Variants in CNTNAP2 observed in about 807,000 individuals in gnomAD.
The protein encoded by CNTNAP2 is contactin associated protein 2, also known as contactin-associated protein-like 2.
CNTNAP2 carries 98 observed loss-of-function variants against 155.2 expected under a neutral mutation model. That is an observed-to-expected ratio of 0.63 (90% CI 0.54 to 0.75). CNTNAP2 has a LOEUF of 0.75. CNTNAP2 is among the 30% of genes least tolerant of loss of function. The probability of loss-of-function intolerance (pLI) is 0.00; values close to 1 mark genes in which losing one functional copy is unlikely to be tolerated. For missense variants in CNTNAP2, 1,727 were observed against 1,688.1 expected, an observed-to-expected ratio of 1.02 and a Z score of -0.40; for synonymous variants, 651 against 631.2, an observed-to-expected ratio of 1.03 and a Z score of -0.47.
intron 20 of CNTNAP2, among the ~76,000 whole-genome samples, chr7:148,252,669 C>T (rs772950601): frequency 6.6e-6 from 1 of 152,158 alleles, no homozygotes; most frequent in Non-Finnish European, 1.5e-5. Context: ...TTCCTTTACC[C>T]ATCCTTCTAT....
intron 18 of CNTNAP2, among the ~76,000 whole-genome samples, chr7:148,187,138 ACACACACAC>A (rs1562988465): frequency 2.8e-4 from 42 of 151,344 alleles, no homozygotes; most frequent in African/African-American, 8.3e-4. Flanking sequence ...ACACACACAC[ACACACACAC>A]AAACAGAGCC....
At chr7:146,505,339 G>A in intron 1 of CNTNAP2, among the ~76,000 whole-genome samples, 1 of 152,112 alleles carries the variant, frequency 6.6e-6, no homozygotes, top group Non-Finnish European at 1.5e-5. Context: ...GTAGGCACAG[G>A]TACTAACAGG....
intron 14 of CNTNAP2, among the ~76,000 whole-genome samples, chr7:147,918,877 T>C (rs1213000385): frequency 6.6e-6 from 1 of 152,156 alleles, no homozygotes; most frequent in Admixed American, 6.5e-5. Context: ...ACATTCTAAT[T>C]CCCAGAACCT....
intron 1 of CNTNAP2, among the ~76,000 whole-genome samples, chr7:146,747,291 G>T (rs1310773858): frequency 6.6e-6 from 1 of 151,934 alleles, no homozygotes; most frequent in Non-Finnish European, 1.5e-5. Flanking sequence ...ACTTTTCAGA[G>T]AAAAAATAAA....
intron 13 of CNTNAP2, among the ~76,000 whole-genome samples, chr7:147,850,438 A>C (rs971130326): frequency 6.6e-6 from 1 of 152,192 alleles, no homozygotes; most frequent in African/African-American, 2.4e-5. Context: ...TATGCAACCA[A>C]AAAAGAGCCC....
At chr7:146,276,265 A>C (rs1480129651) in intron 1 of CNTNAP2, among the ~76,000 whole-genome samples, 1 of 152,218 alleles carries the variant, frequency 6.6e-6, no homozygotes, top group Non-Finnish European at 1.5e-5. Flanking sequence ...AATTCTAAGA[A>C]GATAGATACT....
chr7:147,258,979 A>G (rs1445109979), intron 8 of CNTNAP2, among the ~76,000 whole-genome samples: 1 of 152,188 alleles, frequency 6.6e-6, no homozygotes, highest in African/African-American at 2.4e-5. Flanking sequence ...CAGCCATCCT[A>G]TATGAATAAA....
intron 14 of CNTNAP2, among the ~76,000 whole-genome samples, chr7:147,931,458 C>T (rs915871553): frequency 6.6e-6 from 1 of 152,136 alleles, no homozygotes; most frequent in Non-Finnish European, 1.5e-5. Context: ...CAGCATTTCC[C>T]TGACACCAAA....
chr7:147,596,716 A>C (rs1257272790), intron 12 of CNTNAP2, among the ~76,000 whole-genome samples: 2 of 152,178 alleles, frequency 1.3e-5, no homozygotes, highest in African/African-American at 4.8e-5. Context: ...TGGGTGAAAT[A>C]AGGCTGAGAC....
At chr7:146,733,052 A>G (rs1801553054) in intron 1 of CNTNAP2, among the ~76,000 whole-genome samples, 1 of 152,128 alleles carries the variant, frequency 6.6e-6, no homozygotes, top group Non-Finnish European at 1.5e-5. Flanking sequence ...CTGCACTAAT[A>G]TATAATCATA....
intron 1 of CNTNAP2, among the ~76,000 whole-genome samples, chr7:146,727,238 T>G (rs1239867434): frequency 6.6e-6 from 1 of 152,182 alleles, no homozygotes; most frequent in Non-Finnish European, 1.5e-5. Context: ...CTTTGCATTG[T>G]GTAGGATAAA....
At chr7:148,324,160 C>T (rs369290821) in intron 21 of CNTNAP2, among the ~76,000 whole-genome samples, 20 of 152,202 alleles carry the variant, frequency 1.3e-4, no homozygotes, top group African/African-American at 3.6e-4. Context: ...GCTAGGATTA[C>T]AGACATGAGC....
At chr7:148,022,718 T>C (rs73168550) in intron 15 of CNTNAP2, among the ~76,000 whole-genome samples, 100,856 of 151,264 alleles carry the variant, frequency 0.67, 34,070 homozygotes, top group East Asian at 0.83. Context: ...TGGTTGGTTT[T>C]TTTTTGGACT....
chr7:146,610,406 T>A (rs962557486), intron 1 of CNTNAP2, among the ~76,000 whole-genome samples: 1 of 152,138 alleles, frequency 6.6e-6, no homozygotes, highest in Admixed American at 6.5e-5. Context: ...TATTACTGGC[T>A]TTGTTGACTT....
intron 1 of CNTNAP2, among the ~76,000 whole-genome samples, chr7:146,184,624 C>CT (rs1232851212): frequency 6.6e-6 from 1 of 152,192 alleles, no homozygotes; most frequent in Non-Finnish European, 1.5e-5. Context: ...CAACCTCTTC[C>CT]TGAAAGCTTG....
chr7:146,204,167 A>G (rs1225744881), intron 1 of CNTNAP2, among the ~76,000 whole-genome samples: 1 of 152,166 alleles, frequency 6.6e-6, no homozygotes, highest in Non-Finnish European at 1.5e-5. Context: ...AGAGATCTAA[A>G]TTATCTATTC....
At chr7:147,226,275 A>C (rs1045240664) in intron 8 of CNTNAP2, among the ~76,000 whole-genome samples, 1 of 152,172 alleles carries the variant, frequency 6.6e-6, no homozygotes, top group African/African-American at 2.4e-5. Flanking sequence ...CAGCTGTTGC[A>C]ATATGATCGA....
In CNTNAP2 at chr7:147,390,888, C is replaced by A. The variant is rs191320262; in HGVS notation, c.1499-4721C>A. ...TTGCCGGTGTTCACCCTACAGCCCACAGAGATACATATCTTTTTCCACACA... is the reference window on the plus strand; with the variant it reads ...TTGCCGGTGTTCACCCTACAGCCCAAAGAGATACATATCTTTTTCCACACA... On this transcript the variant is annotated intron_variant, in intron 9 of 23. Transcript: ENST00000361727. Among the ~76,000 whole-genome samples the A allele has an allele frequency of 1.1e-4, 16 of 152,194 alleles. No individual in the cohort carries two copies. In the East Asian group the frequency reaches 2.5e-3, roughly 24 times the overall value.
At chr7:147,525,546 T>C (rs1799304134) in intron 11 of CNTNAP2, among the ~76,000 whole-genome samples, 2 of 152,128 alleles carry the variant, frequency 1.3e-5, no homozygotes, top group Non-Finnish European at 2.9e-5. Flanking sequence ...CCAGAGCATA[T>C]AAAGAATGGG....
Sources: allele counts gnomAD v4.1 joint callset (sites outside exome capture counted in the v4.1 genomes callset), GRCh38; gene constraint gnomAD v4.1.1; transcripts MANE v1.5; gene names NCBI Gene and HGNC (gene_info 2026-07-23, HGNC 2026-07-21).